Variants in CDH10 observed in about 807,000 individuals in gnomAD.
The protein encoded by CDH10 is cadherin-10.
In CDH10, 30 loss-of-function variants were observed where a neutral mutation model predicts 73.1. The observed-to-expected ratio is 0.41, with a 90% CI of 0.31 to 0.56. The LOEUF (loss-of-function observed/expected upper bound fraction) is 0.56. Among genes scored for constraint, CDH10 ranks in the 20% least tolerant of loss-of-function variants. The probability of loss-of-function intolerance (pLI) is 0.27; values close to 1 mark genes in which losing one functional copy is unlikely to be tolerated. For synonymous variants in CDH10, 345 were observed against 348.2 expected, an observed-to-expected ratio of 0.99 and a Z score of 0.10; for missense variants, 815 against 973.7, an observed-to-expected ratio of 0.84 and a Z score of 2.17.
chr5:24,501,588 G>A (rs1156655241), intron 8 of CDH10, among the ~76,000 whole-genome samples: 1 of 152,158 alleles, frequency 6.6e-6, no homozygotes, highest in East Asian at 1.9e-4. Flanking sequence ...ATGTCCTAAG[G>A]TGAAGCCATG....
chr5:24,557,631 C>T (rs886642583), intron 2 of CDH10, among the ~76,000 whole-genome samples: 5 of 151,552 alleles, frequency 3.3e-5, no homozygotes, highest in African/African-American at 7.3e-5. Flanking sequence ...GATGAATTCA[C>T]GATGCTTATT....
intron 2 of CDH10, among the ~76,000 whole-genome samples, chr5:24,547,950 GA>G (rs1430999064): frequency 6.6e-6 from 1 of 152,158 alleles, no homozygotes; most frequent in East Asian, 1.9e-4. Context: ...GTCAATTGTT[GA>G]AGAAGCGTAA....
At chr5:24,563,597 C>CAGAA (rs1745043564) in intron 2 of CDH10, among the ~76,000 whole-genome samples, 1 of 88,730 alleles carries the variant, frequency 1.1e-5, no homozygotes, top group African/African-American at 4.4e-5. Flanking sequence ...ACTAAAAATA[C>CAGAA]AAAAAAAAAA....
intron 1 of CDH10, among the ~76,000 whole-genome samples, chr5:24,597,970 G>T (rs114707290): frequency 2.6e-5 from 4 of 151,606 alleles, no homozygotes; most frequent in Admixed American, 2.6e-4. Context: ...AAGAGTAATC[G>T]AAAATGCTAA....
chr5:24,629,342 A>G (rs775102902), intron 1 of CDH10, among the ~76,000 whole-genome samples: 6 of 152,154 alleles, frequency 3.9e-5, no homozygotes, highest in Non-Finnish European at 8.8e-5. Flanking sequence ...ATTTTAAAAT[A>G]TATTTCACCA....
rs6888992 is a variant in CDH10, at chr5:24,495,708, G to A, written c.1515+2690C>T. On this transcript the variant is annotated intron_variant, in intron 9 of 11. Coordinates refer to ENST00000264463, the MANE Select transcript of CDH10 (RefSeq NM_006727.5). The stretch of plus-strand genomic sequence containing the variant: ...CTAAAATACAAAAAATCAGGCGGGC[G>A]TGGTGGTGCGCACCTGCAGTCCCAG... 3.8e-3 allele frequency among the ~76,000 whole-genome samples: 585 copies of A among 151,958 alleles called. 3 individuals are homozygous for A. The highest frequency in any genetic ancestry group is 6.8e-3 in the Middle Eastern group (2 of 294).
chr5:24,564,542 ACCTCTG>A (rs1320977493), intron 2 of CDH10, among the ~76,000 whole-genome samples: 2 of 152,004 alleles, frequency 1.3e-5, no homozygotes, highest in Admixed American at 1.3e-4. Context: ...TGGAGCTGAG[ACCTCTG>A]CCCCTACAGG....
chr5:24,504,506 CTTTTTTTTTTTTTTTT>C (rs70965605), intron 8 of CDH10, among the ~76,000 whole-genome samples: 1,335 of 65,154 alleles, frequency 0.02, 174 homozygotes, highest in African/African-American at 0.027. Flanking sequence ...TCCTATTAAT[CTTTTTTTTTTTTTTTT>C]TTTTTTTTTT....
At chr5:24,522,281 T>C (rs1422183851) in intron 5 of CDH10, among the ~76,000 whole-genome samples, 1 of 152,114 alleles carries the variant, frequency 6.6e-6, no homozygotes, top group East Asian at 1.9e-4. Flanking sequence ...TATCAAAATT[T>C]TATGGTAACA....
chr5:24,581,226 T>G (rs144938884), intron 2 of CDH10, among the ~76,000 whole-genome samples: 1 of 151,768 alleles, frequency 6.6e-6, no homozygotes, highest in African/African-American at 2.4e-5. Context: ...TACAGTTGAC[T>G]CCTTGCTTTC....
At chr5:24,534,633 T>C (rs1743874090) in intron 5 of CDH10, among the ~76,000 whole-genome samples, 1 of 152,116 alleles carries the variant, frequency 6.6e-6, no homozygotes, top group African/African-American at 2.4e-5. Context: ...AGTCAGATAG[T>C]TTTCGGAGGT....
intron 1 of CDH10, among the ~76,000 whole-genome samples, chr5:24,600,450 CA>C (rs34172668): frequency 0.14 from 20,629 of 152,030 alleles, 1,473 homozygotes; most frequent in East Asian, 0.18. Context: ...AAAATGTAAA[CA>C]AAATTGAAGT....
chr5:24,563,616 A>AAAAC (rs1437971116), intron 2 of CDH10, among the ~76,000 whole-genome samples: 1 of 147,614 alleles, frequency 6.8e-6, no homozygotes, highest in African/African-American at 2.5e-5. Context: ...AAAAAAAAAA[A>AAAAC]ATTAGCCGGC....
intron 5 of CDH10, among the ~76,000 whole-genome samples, chr5:24,525,256 T>C (rs78375215): frequency 0.011 from 1,663 of 152,202 alleles, 35 homozygotes; most frequent in African/African-American, 0.038. Context: ...TAATGTATCC[T>C]AATCCTTTAT....
At chr5:24,499,062 C>A (rs533349771) in intron 8 of CDH10, among the ~76,000 whole-genome samples, 4 of 152,048 alleles carry the variant, frequency 2.6e-5, no homozygotes, top group African/African-American at 9.7e-5. Flanking sequence ...TAAGGTCCTT[C>A]GCTCGTAAGT....
chr5:24,533,866 C>T (rs1161517277), intron 5 of CDH10, among the ~76,000 whole-genome samples: 2 of 151,834 alleles, frequency 1.3e-5, no homozygotes, highest in Non-Finnish European at 2.9e-5. Context: ...GTTCTGGAGC[C>T]CAGCACCACA....
intron 9 of CDH10, among the ~76,000 whole-genome samples, chr5:24,497,407 G>T (rs1505874): frequency 0.43 from 65,555 of 151,384 alleles, 15,431 homozygotes; most frequent in Non-Finnish European, 0.54. Context: ...AGTAGTAAGT[G>T]GGAAGCAACT....
At position 24,630,485 on chromosome 5, in the gene CDH10, G is replaced by A. The variant is rs568711416; in HGVS notation, c.-124+14109C>T. 2.7e-4 allele frequency among the ~76,000 whole-genome samples: 41 copies of A among 151,360 alleles called. 2 individuals are homozygous for A. Among genetic ancestry groups the A allele is most frequent in the East Asian group, 1.2e-3 (6 of 5,090 alleles). Reference sequence around the variant, plus strand: ...TGAGAATTGCTTGAACCCAGGAGGCGGAAGCTGCAGTGATCTGAGATTGTG... The same window carrying A: ...TGAGAATTGCTTGAACCCAGGAGGCAGAAGCTGCAGTGATCTGAGATTGTG... On this transcript the variant is annotated intron_variant, in intron 1 of 11. Coordinates refer to ENST00000264463, the MANE Select transcript of CDH10 (RefSeq NM_006727.5).
chr5:24,556,832 T>C (rs1744784638), intron 2 of CDH10, among the ~76,000 whole-genome samples: 1 of 151,876 alleles, frequency 6.6e-6, no homozygotes, highest in Non-Finnish European at 1.5e-5. Context: ...TAATTGAGCA[T>C]AATTTATTCT....
Sources: gnomAD v4.1 joint callset for allele counts (sites outside exome capture counted in the v4.1 genomes callset) on GRCh38, gnomAD v4.1.1 for gene constraint, MANE v1.5 for transcripts, NCBI Gene and HGNC (gene_info 2026-07-23, HGNC 2026-07-21) for gene names.